FABP5: variants seen among roughly 807,000 people sequenced by gnomAD.
The protein encoded by FABP5 is fatty acid-binding protein 5.
A neutral mutation model predicts 16.9 loss-of-function variants in FABP5; 7 were observed. That is an observed-to-expected ratio of 0.41 (90% CI 0.24 to 0.78). The LOEUF (loss-of-function observed/expected upper bound fraction) is 0.78. FABP5 is among the 30% of genes least tolerant of loss of function. The pLI is 0.30. For synonymous variants in FABP5, 37 were observed against 52.8 expected (o/e 0.70, Z 1.30); for missense variants, 119 against 159.5 (o/e 0.75, Z 1.37).
intron 1 of FABP5, among the ~76,000 whole-genome samples, chr8:81,282,330 C>A (rs1269898845): frequency 1.3e-5 from 2 of 152,104 alleles, no homozygotes; most frequent in South Asian, 2.1e-4. Flanking sequence ...GGAGCAGTCA[C>A]AATGTGAAAA....
At chr8:81,283,280 A>C in intron 1 of FABP5, 86 bp from the exon 2 acceptor site, 1 of 1,160,166 alleles carries the variant, frequency 8.6e-7, no homozygotes, top group Middle Eastern at 2.0e-4. Flanking sequence ...ATGCCGCACA[A>C]AGTGATTACA....
At chr8:81,282,856 A>G (rs1807853568) in intron 1 of FABP5, among the ~76,000 whole-genome samples, 2 of 152,216 alleles carry the variant, frequency 1.3e-5, no homozygotes, top group South Asian at 4.1e-4. Context: ...TGCTGGAGTC[A>G]TAGAATGTAA....
Position 81,281,484 on chromosome 8 carries a change from G to A in FABP5, c.79+810G>A. Reference sequence around the variant, plus strand: ...GTGGGAGGAGCGCAATGAGGCCTGGGGGTGGCCGTGTGTTGCCATCCTGGC... The same window carrying A: ...GTGGGAGGAGCGCAATGAGGCCTGGAGGTGGCCGTGTGTTGCCATCCTGGC... On this transcript the variant is annotated intron_variant, in intron 1 of 3. Coordinates refer to ENST00000297258, the MANE Select transcript of FABP5 (RefSeq NM_001444.3). The surrounding 1 kb of genome is among the most constrained non-coding windows in gnomAD (Gnocchi z 4.5). 1 of 985,610 alleles carries A rather than the reference G, an allele frequency of 1.0e-6. No homozygotes were observed. Among genetic ancestry groups the A allele is most frequent in the Non-Finnish European group, 1.2e-6 (1 of 830,088 alleles). 61.1% of individuals were successfully genotyped at this position (985,610 alleles called of 1,614,324 possible). A position where few individuals can be genotyped will look rare whatever the true frequency, so the allele number is the denominator to read the frequency against.
At chr8:81,282,052 A>G (rs1394081377) in intron 1 of FABP5, among the ~76,000 whole-genome samples, 1 of 152,142 alleles carries the variant, frequency 6.6e-6, no homozygotes, top group Non-Finnish European at 1.5e-5. Context: ...ATGGTGAATC[A>G]TGAGTGTATT....
rs1205360683 is a variant in FABP5 at position 81,283,862 on chromosome 8, T to C, written c.253-11T>C. On this transcript the variant is annotated splice_polypyrimidine_tract_variant and intron_variant, in intron 2 of 3. Transcript: ENST00000297258. ...ACTTGGAAGATTAAAACGTTTACTT[T>C]GTTTTTGCAGACTGTCTGCAACTTT... The C allele has an allele frequency of 1.9e-6, 3 of 1,605,992 alleles. No homozygotes were observed. The highest frequency in any genetic ancestry group is 2.6e-6 in the Non-Finnish European group (3 of 1,175,364).
At chr8:81,280,914 GGTGGTCCACCCC>G (rs1807818043) in intron 1 of FABP5, 4 of 515,476 alleles carry the variant, frequency 7.8e-6, no homozygotes, top group South Asian at 6.8e-5. Context: ...AGATTCCGGA[GGTGGTCCACCCC>G]GTGGTCCACC....
chr8:81,283,046 C>A, intron 1 of FABP5: 1 of 205,698 alleles, frequency 4.9e-6, no homozygotes, highest in Non-Finnish European at 9.6e-6. Flanking sequence ...GATTTGGAGC[C>A]AGGGTGCCAG....
rs777638387 is a variant in FABP5 at position 81,283,451 on chromosome 8, A to C, written c.165A>C (p.Lys55Asn). ...ITCDGKNLTI[K>N]TESTLKTTQF... ...GTGATGGTAAAAACCTCACCATAAA[A>C]ACTGAGAGCACTTTGAAAACAACAC... is the stretch of plus-strand genomic sequence containing the variant. Residue 55 changes from lysine (K) to asparagine (N), a missense_variant, in exon 2 of 4, where the codon AAA becomes AAC. Physicochemically the swap from Lys to Asn is moderately conservative, Grantham distance 94. Coordinates refer to ENST00000297258, the MANE Select transcript of FABP5 (RefSeq NM_001444.3). 1 of 1,613,022 alleles carries C rather than the reference A, an allele frequency of 6.2e-7. No individual in the cohort carries two copies. Among genetic ancestry groups the C allele is most frequent in the African/African-American group, 1.3e-5 (1 of 74,860 alleles).
intron 3 of FABP5, 136 bp downstream of exon 3, chr8:81,284,110 C>T (rs1484906526): frequency 1.5e-6 from 1 of 649,980 alleles, no homozygotes; most frequent in East Asian, 2.7e-5. Context: ...AATACTAGAA[C>T]ACTAATTATT....
rs1025367184 is a variant in FABP5 at position 81,281,688 on chromosome 8, C to A, written c.79+1014C>A. On this transcript the variant is annotated intron_variant, in intron 1 of 3. Transcript: ENST00000297258. The surrounding 1 kb of genome is among the most constrained non-coding windows in gnomAD (Gnocchi z 4.5). ...AATCTCAGTAGTAAGATTCATTTCTCACTCAAAACAGTGCTTCATTATAAA... is the reference window on the plus strand; with the variant it reads ...AATCTCAGTAGTAAGATTCATTTCTAACTCAAAACAGTGCTTCATTATAAA... 2.0e-6 allele frequency: 2 copies of A among 983,900 alleles called. No homozygotes were observed. Among genetic ancestry groups the A allele is most frequent in the African/African-American group, 3.5e-5 (2 of 57,228 alleles). The allele number at this position is 983,900 out of a possible 1,614,324, so 60.9% of individuals were successfully genotyped here.
In FABP5 at chr8:81,281,494, G is replaced by T; in HGVS notation, c.79+820G>T. ...CGCAATGAGGCCTGGGGGTGGCCGT[G>T]TGTTGCCATCCTGGCCTCTGCCACT... is the stretch of plus-strand genomic sequence containing the variant. On this transcript the variant is annotated intron_variant, in intron 1 of 3. Transcript: ENST00000297258. This position sits in a 1 kb window ranked among gnomAD's most constrained non-coding sequence, Gnocchi z 4.5. The T allele has an allele frequency of 1.0e-6, 1 of 985,586 alleles. No homozygotes were observed. Among genetic ancestry groups the T allele is most frequent in the African/African-American group, 1.7e-5 (1 of 57,352 alleles). 61.1% of individuals were successfully genotyped at this position (985,586 alleles called of 1,614,324 possible). A position where few individuals can be genotyped will look rare whatever the true frequency, so the allele number is the denominator to read the frequency against.
chr8:81,280,794 C>A, intron 1 of FABP5, 120 bp downstream of exon 1: 2 of 886,724 alleles, frequency 2.3e-6, no homozygotes, highest in South Asian at 1.6e-5. Context: ...ACCCCCATCC[C>A]CTCCCATCTT....
chr8:81,284,175 G>A (rs954098366), intron 3 of FABP5: 12 of 551,790 alleles, frequency 2.2e-5, no homozygotes, highest in African/African-American at 1.9e-5. Flanking sequence ...GGATTTGGCT[G>A]GAGTTGGGGG....
At chr8:81,282,223 CTT>C (rs779683436) in intron 1 of FABP5, among the ~76,000 whole-genome samples, 3 of 150,684 alleles carry the variant, frequency 2.0e-5, no homozygotes, top group South Asian at 4.2e-4. Context: ...CCAAAGAACA[CTT>C]TTCTCTGCCT....
chr8:81,283,661 A>G, intron 2 of FABP5, 123 bp downstream of exon 2: 5 of 1,178,838 alleles, frequency 4.2e-6, no homozygotes, highest in Non-Finnish European at 5.8e-6. Flanking sequence ...AATTTTGTCA[A>G]ATTAGCAAAA....
Position 81,282,167 on chromosome 8 carries a change from AGTGTGTGTGTGT to A in FABP5, c.80-1178_80-1167del, listed in dbSNP as rs10700115. Among the ~76,000 whole-genome samples, 94 of 147,784 alleles carry A rather than the reference AGTGTGTGTGTGT, an allele frequency of 6.4e-4. 3 individuals carry two copies. The South Asian group carries it at 0.014, about 21-fold the overall frequency. On this transcript the variant is annotated intron_variant, in intron 1 of 3. Coordinates refer to ENST00000297258, the MANE Select transcript of FABP5 (RefSeq NM_001444.3). ...TTACTGCACCTGTCCAATAAATAAC[AGTGTGTGTGTGT>A]GTGTGTGTGTGTGTGTGTGTACAAG...
Position 81,283,414 on chromosome 8 carries a change from G to T in FABP5, c.128G>T (p.Cys43Phe). The change falls in exon 2 of 4, where the codon TGT becomes TTT. Residue 43 changes from cysteine (C) to phenylalanine (F), a missense_variant. Cys to Phe is a radical substitution (Grantham distance 205). Coordinates refer to ENST00000297258, the MANE Select transcript of FABP5 (RefSeq NM_001444.3). ...RKMGAMAKPD[C>F]IITCDGKNLT... ...ATGGGCGCAATGGCCAAGCCAGATT[G>T]TATCATCACTTGTGATGGTAAAAAC... 1 of 1,610,704 alleles carries T rather than the reference G, an allele frequency of 6.2e-7. No homozygotes were observed. Among genetic ancestry groups the T allele is most frequent in the Non-Finnish European group, 8.5e-7 (1 of 1,178,586 alleles).
Position 81,281,308 on chromosome 8 carries a change from C to T in FABP5, c.79+634C>T. Reference sequence around the variant, plus strand: ...TGCATTCCTCTGTCAGCCCCGTCTCCCCCAGGTCCTCTGCTCGCCCTTACC... The same window carrying T: ...TGCATTCCTCTGTCAGCCCCGTCTCTCCCAGGTCCTCTGCTCGCCCTTACC... On this transcript the variant is annotated intron_variant, in intron 1 of 3. Transcript: ENST00000297258. The surrounding 1 kb of genome is among the most constrained non-coding windows in gnomAD (Gnocchi z 4.5). The T allele has an allele frequency of 1.0e-6, 1 of 975,280 alleles. No individual in the cohort carries two copies. The highest frequency in any genetic ancestry group is 1.2e-6 in the Non-Finnish European group (1 of 820,624). The allele number at this position is 975,280 out of a possible 1,614,324, so 60.4% of individuals were successfully genotyped here.
In FABP5 at chr8:81,280,566, T is replaced by G. The variant is rs765997771; in HGVS notation, c.-30T>G. On this transcript the variant is annotated 5_prime_UTR_variant, in exon 1 of 4. Transcript: ENST00000297258. ...ACGCTGCCACGCCGACGCAGACCCC[T>G]CTCTGCACGCCAGCCCGCCCGCACC... 2 of 1,546,210 alleles carry G rather than the reference T, an allele frequency of 1.3e-6. No homozygotes were observed. The highest frequency in any genetic ancestry group is 4.9e-5 in the East Asian group (2 of 40,848).
Sources: gnomAD v4.1 joint callset for allele counts (sites outside exome capture counted in the v4.1 genomes callset) on GRCh38, gnomAD v4.1.1 for gene constraint, Gnocchi (gnomAD v3.1) non-coding constraint, MANE v1.5 for transcripts, NCBI Gene and HGNC (gene_info 2026-07-23, HGNC 2026-07-21) for gene names.